Variants in EPS8 observed in about 807,000 individuals in gnomAD.
EPS8 encodes EGFR pathway substrate 8, signaling adaptor.
A neutral mutation model predicts 103.8 loss-of-function variants in EPS8; 42 were observed. The observed-to-expected ratio is 0.40, with a 90% CI of 0.32 to 0.52. The LOEUF (loss-of-function observed/expected upper bound fraction) is 0.52, where lower values mean the gene tolerates loss of function less well. EPS8 is among the 20% of genes least tolerant of loss of function. The probability of loss-of-function intolerance (pLI) is 0.40; values close to 1 mark genes in which losing one functional copy is unlikely to be tolerated. For missense variants in EPS8, 969 were observed against 1,005.1 expected (o/e 0.96, Z 0.49); for synonymous variants, 344 against 344.6 (o/e 1.00, Z 0.02).
intron 3 of EPS8, among the ~76,000 whole-genome samples, chr12:15,673,462 C>T (rs1046333891): frequency 2.0e-5 from 3 of 152,042 alleles, no homozygotes; most frequent in African/African-American, 7.2e-5. Flanking sequence ...TTCACAAGAA[C>T]TGGTATAAAT....
chr12:15,746,469 C>A (rs1241515027), intron 1 of EPS8, among the ~76,000 whole-genome samples: 2 of 151,942 alleles, frequency 1.3e-5, no homozygotes. Context: ...TCTGGATAAT[C>A]AAAATGAGCT....
chr12:15,639,019 T>G (rs1038426353), intron 17 of EPS8, among the ~76,000 whole-genome samples: 4 of 152,222 alleles, frequency 2.6e-5, no homozygotes, highest in Admixed American at 2.0e-4. Context: ...TGTTTTTTAT[T>G]TTATCGCAGT....
chr12:15,630,916 C>A (rs1399538345), intron 18 of EPS8, among the ~76,000 whole-genome samples: 1 of 152,084 alleles, frequency 6.6e-6, no homozygotes, highest in Non-Finnish European at 1.5e-5. Context: ...TCAGTAGCAT[C>A]CCCCCAGTTT....
chr12:15,630,230 A>G (rs1180329871), intron 18 of EPS8, among the ~76,000 whole-genome samples: 1 of 151,938 alleles, frequency 6.6e-6, no homozygotes, highest in Admixed American at 6.6e-5. Context: ...ACACACATAC[A>G]CACACACACT....
intron 8 of EPS8, 159 bp downstream of exon 8, chr12:15,665,597 C>G: frequency 1.3e-6 from 1 of 792,068 alleles, no homozygotes; most frequent in Non-Finnish European, 2.0e-6. Context: ...TCCCAAAGCA[C>G]TGGGATTACA....
chr12:15,640,052 T>C (rs1426137740), intron 17 of EPS8, among the ~76,000 whole-genome samples: 1 of 152,192 alleles, frequency 6.6e-6, no homozygotes, highest in Non-Finnish European at 1.5e-5. Flanking sequence ...TTAGGGTGAA[T>C]GAGCTGACCA....
At chr12:15,754,955 C>A (rs1460074322) in intron 1 of EPS8, among the ~76,000 whole-genome samples, 2 of 152,212 alleles carry the variant, frequency 1.3e-5, no homozygotes, top group East Asian at 3.9e-4. Flanking sequence ...GGAAGCAGTG[C>A]TGCTTCCCCT....
In EPS8 at chr12:15,747,836, C is replaced by T. The variant is rs373669645; in HGVS notation, c.-22+41325G>A. On this transcript the variant is annotated intron_variant, in intron 1 of 20. Coordinates refer to ENST00000281172, the MANE Select transcript of EPS8 (RefSeq NM_004447.6). This position sits in a 1 kb window ranked among gnomAD's most constrained non-coding sequence, Gnocchi z 4.4. ...GAGATCGAGACCATCCTGGCTAACA[C>T]GGTGAAACCCCGTCTCTACTAAAAA... Among the ~76,000 whole-genome samples, 67 of 152,058 alleles carry T rather than the reference C, an allele frequency of 4.4e-4. No homozygotes were observed. In the South Asian group the frequency reaches 9.2e-3, roughly 21 times the overall value.
chr12:15,662,441 C>A, intron 8 of EPS8: 1 of 1,015,302 alleles, frequency 9.8e-7, no homozygotes, highest in South Asian at 4.4e-5. Context: ...TATAAACCAG[C>A]AGTCAAGCTT....
intron 3 of EPS8, among the ~76,000 whole-genome samples, chr12:15,674,745 T>C (rs1231164903): frequency 6.6e-6 from 1 of 152,184 alleles, no homozygotes; most frequent in Non-Finnish European, 1.5e-5. Flanking sequence ...TGCCACATTC[T>C]ATCAAGCTGA....
At position 15,784,090 on chromosome 12, in the gene EPS8, C is replaced by A. The variant is rs1311743992; in HGVS notation, c.-22+5071G>T. On this transcript the variant is annotated intron_variant, in intron 1 of 20. Coordinates refer to ENST00000281172, the MANE Select transcript of EPS8 (RefSeq NM_004447.6). The surrounding 1 kb of genome is among the most constrained non-coding windows in gnomAD (Gnocchi z 4.0). ...AAAACACAGGATAAAATCTATGTAGCCTTGGCAATGAGTTTTCAAATATAA... is the reference window on the plus strand; with the variant it reads ...AAAACACAGGATAAAATCTATGTAGACTTGGCAATGAGTTTTCAAATATAA... Among the ~76,000 whole-genome samples the A allele has an allele frequency of 2.0e-5, 3 of 152,038 alleles. No individual in the cohort carries two copies. Among genetic ancestry groups the A allele is most frequent in the Non-Finnish European group, 4.4e-5 (3 of 67,982 alleles).
rs1486337412 is a variant in EPS8, at chr12:15,684,726, T to G, written c.-21-1754A>C. On this transcript the variant is annotated intron_variant, in intron 1 of 20. Coordinates refer to ENST00000281172, the MANE Select transcript of EPS8 (RefSeq NM_004447.6). The surrounding 1 kb of genome is among the most constrained non-coding windows in gnomAD (Gnocchi z 4.9). ...CTGGAAGGGCTGGGACTTGACCTAG[T>G]TCTTAAAAAAATGGGTAAGAATGGC... 6.6e-6 allele frequency among the ~76,000 whole-genome samples: 1 copy of G among 152,164 alleles called. No homozygotes were observed.
chr12:15,633,190 T>C lies in EPS8; in HGVS notation c.1822-1526A>G, dbSNP rs147436893. Reference sequence around the variant, plus strand: ...TACTGTATTAGAATGAAAGAATGAATTGTTATTATTATTCCCCACAAACAA... The same window carrying C: ...TACTGTATTAGAATGAAAGAATGAACTGTTATTATTATTCCCCACAAACAA... On this transcript the variant is annotated intron_variant, in intron 17 of 20. Coordinates refer to ENST00000281172, the MANE Select transcript of EPS8 (RefSeq NM_004447.6). Among the ~76,000 whole-genome samples, 749 of 152,082 alleles carry C rather than the reference T, an allele frequency of 4.9e-3. 6 individuals carry two copies. Among genetic ancestry groups the C allele is most frequent in the African/African-American group, 0.017 (722 of 41,486 alleles).
intron 1 of EPS8, among the ~76,000 whole-genome samples, chr12:15,692,963 T>C (rs1946194932): frequency 6.6e-6 from 1 of 152,328 alleles, no homozygotes; most frequent in African/African-American, 2.4e-5. Flanking sequence ...CTTCATTGTC[T>C]CTTTATGACA....
intron 1 of EPS8, among the ~76,000 whole-genome samples, chr12:15,694,704 T>TA (rs1222633758): frequency 6.6e-6 from 1 of 152,196 alleles, no homozygotes; most frequent in Admixed American, 6.5e-5. Context: ...ATAAAAGTAG[T>TA]ATGAAACTCT....
At chr12:15,692,867 T>C (rs1946193545) in intron 1 of EPS8, among the ~76,000 whole-genome samples, 2 of 152,186 alleles carry the variant, frequency 1.3e-5, no homozygotes, top group African/African-American at 4.8e-5. Flanking sequence ...CCTTTTCTTT[T>C]AGTGTCTATA....
chr12:15,775,039 A>C (rs955036778), intron 1 of EPS8, among the ~76,000 whole-genome samples: 8 of 152,074 alleles, frequency 5.3e-5, no homozygotes, highest in African/African-American at 1.7e-4. Context: ...TGTGAGTATC[A>C]TTTCAGTGGT....
chr12:15,719,901 C>T (rs16911176), intron 1 of EPS8, among the ~76,000 whole-genome samples: 3,601 of 152,242 alleles, frequency 0.024, 146 homozygotes, highest in African/African-American at 0.08. Context: ...AAACCAACTA[C>T]GTCAAGAGGT....
At chr12:15,732,282 A>C (rs1946724973) in intron 1 of EPS8, among the ~76,000 whole-genome samples, 1 of 152,214 alleles carries the variant, frequency 6.6e-6, no homozygotes, top group Non-Finnish European at 1.5e-5. Flanking sequence ...TCAACAATGC[A>C]TTCCATTTTG....
Sources: allele counts gnomAD v4.1 joint callset (sites outside exome capture counted in the v4.1 genomes callset), GRCh38; gene constraint gnomAD v4.1.1; non-coding constraint Gnocchi (gnomAD v3.1); transcripts MANE v1.5; gene names NCBI Gene and HGNC (gene_info 2026-07-23, HGNC 2026-07-21).